AFF2: variants seen among roughly 807,000 people sequenced by gnomAD.
AFF2 encodes the protein AF4/FMR2 family member 2.
A neutral mutation model predicts 76.9 loss-of-function variants in AFF2; 14 were observed. That is an observed-to-expected ratio of 0.18 (90% CI 0.12 to 0.28). AFF2 has a LOEUF of 0.28. Ranked by LOEUF, AFF2 falls within the 10% of genes least tolerant of loss-of-function variation. AFF2 has a pLI of 1.00. For missense variants in AFF2, 868 were observed against 1,001.1 expected (o/e 0.87, Z 1.79); for synonymous variants, 398 against 366.7 (o/e 1.09, Z -0.98).
chrX:148,646,889 A>T (rs782386882), intron 1 of AFF2, among the ~76,000 whole-genome samples: 1 of 112,292 alleles, frequency 8.9e-6, no homozygotes, highest in Non-Finnish European at 1.9e-5. Context: ...GTGTAAAATA[A>T]TGATGGCCTG....
chrX:148,756,612 A>C (rs1014541456), intron 3 of AFF2, among the ~76,000 whole-genome samples: 1 of 112,551 alleles, frequency 8.9e-6, no homozygotes, highest in Admixed American at 9.4e-5. Context: ...TTCATTCACC[A>C]TGTCTAACTC....
chrX:148,583,157 G>C (rs1310119559), intron 1 of AFF2, among the ~76,000 whole-genome samples: 5 of 111,743 alleles, frequency 4.5e-5, no homozygotes, highest in Non-Finnish European at 5.7e-5. Context: ...TTAATAAATA[G>C]TGTTCTGGAA....
At chrX:148,981,339 G>A (rs782185940) in intron 19 of AFF2, among the ~76,000 whole-genome samples, 3 of 111,095 alleles carry the variant, frequency 2.7e-5, no homozygotes, top group Admixed American at 1.9e-4. Flanking sequence ...CTTATTTAGA[G>A]TTCTATCTGC....
At chrX:148,756,650 A>G (rs1557266915) in intron 3 of AFF2, among the ~76,000 whole-genome samples, 2 of 112,634 alleles carry the variant, frequency 1.8e-5, no homozygotes, top group African/African-American at 6.4e-5. Context: ...AGCATGATGA[A>G]TGAAGGTATA....
intron 9 of AFF2, among the ~76,000 whole-genome samples, chrX:148,927,400 T>C (rs2071663588): frequency 9.0e-6 from 1 of 111,609 alleles, no homozygotes; most frequent in African/African-American, 3.3e-5. Flanking sequence ...TTCTCTCTTT[T>C]ATCTTGTTTT....
intron 9 of AFF2, among the ~76,000 whole-genome samples, chrX:148,939,504 C>T (rs2071810072): frequency 8.9e-6 from 1 of 111,958 alleles, no homozygotes; most frequent in Admixed American, 9.5e-5. Context: ...TGCTAGTAAT[C>T]ATGGCTAGAA....
chrX:148,955,626 G>A lies in AFF2; in HGVS notation c.1581G>A (p.Lys527=). 1 of 1,205,878 alleles carries A rather than the reference G, an allele frequency of 8.3e-7. No individual in the cohort carries two copies. Among genetic ancestry groups the A allele is most frequent in the African/African-American group, 1.7e-5 (1 of 57,528 alleles). The change falls in exon 11 of 21, where the codon AAG becomes AAA. Residue 527 remains lysine (K), a synonymous_variant. Coordinates refer to ENST00000370460, the MANE Select transcript of AFF2 (RefSeq NM_002025.4). ...TPEPEPPSTN[K]WQLDKWLNKV... The stretch of plus-strand genomic sequence containing the variant: ...AGCCTGAGCCACCCTCAACCAACAA[G>A]TGGCAACTGGATAAATGGCTTAACA...
chrX:148,775,706 A>T (rs1340595750), intron 3 of AFF2, among the ~76,000 whole-genome samples: 1 of 110,672 alleles, frequency 9.0e-6, no homozygotes, highest in Non-Finnish European at 1.9e-5. Flanking sequence ...CTCTATCTTC[A>T]CATCGATTTC....
chrX:148,583,956 G>C (rs1173833895), intron 1 of AFF2, among the ~76,000 whole-genome samples: 1 of 112,226 alleles, frequency 8.9e-6, no homozygotes, highest in Non-Finnish European at 1.9e-5. Context: ...TTTGAAGATT[G>C]TGTGCAAAAA....
At chrX:148,784,033 G>T (rs2124615058) in intron 3 of AFF2, among the ~76,000 whole-genome samples, 1 of 112,030 alleles carries the variant, frequency 8.9e-6, no homozygotes, top group African/African-American at 3.2e-5. Flanking sequence ...AGCCCAACTG[G>T]TTTTGCCATT....
chrX:148,653,226 T>C (rs1426685486), intron 2 of AFF2, among the ~76,000 whole-genome samples: 1 of 111,963 alleles, frequency 8.9e-6, no homozygotes, highest in Non-Finnish European at 1.9e-5. Context: ...AGTAATAGTA[T>C]GATCCCTAAA....
intron 1 of AFF2, among the ~76,000 whole-genome samples, chrX:148,535,396 C>T (rs1334446162): frequency 9.0e-6 from 1 of 110,970 alleles, no homozygotes; most frequent in Admixed American, 9.6e-5. Context: ...GTCTGAAATT[C>T]AAATTTAACT....
intron 19 of AFF2, 46 bp from the exon 20 acceptor site, chrX:148,987,321 C>T: frequency 8.8e-7 from 1 of 1,137,322 alleles, no homozygotes; most frequent in South Asian, 2.0e-5. Context: ...CCCACTGTCA[C>T]TCTTTCCTAC....
chrX:148,652,166 G>C, intron 2 of AFF2, 35 bp downstream of exon 2: 1 of 1,105,072 alleles, frequency 9.0e-7, no homozygotes, highest in South Asian at 2.0e-5. Flanking sequence ...ATGGTTGCTT[G>C]TTACATTTTT....
At chrX:148,833,431 T>A (rs1300740074) in intron 4 of AFF2, among the ~76,000 whole-genome samples, 1 of 109,645 alleles carries the variant, frequency 9.1e-6, no homozygotes, top group Non-Finnish European at 1.9e-5. Context: ...TGAAACCCTG[T>A]CTCTACTAAA....
intron 4 of AFF2, among the ~76,000 whole-genome samples, chrX:148,827,255 A>G (rs146172456): frequency 2.9e-4 from 32 of 111,753 alleles, no homozygotes; most frequent in African/African-American, 9.4e-4. Context: ...ACGAAAATAG[A>G]TATTACTTCT....
chrX:148,886,022 G>T lies in AFF2; in HGVS notation c.1359+37G>T, dbSNP rs41299108. ...TTAGGGCTTTGTTTTGGGATGAAGG[G>T]GGGAGCAGGAGGAACTGGAATGGCT... On this transcript the variant is annotated intron_variant, in intron 8 of 20. Coordinates refer to ENST00000370460, the MANE Select transcript of AFF2 (RefSeq NM_002025.4). 0.064 allele frequency: 68,445 copies of T among 1,063,157 alleles called. 1,724 individuals are homozygous for T. Among genetic ancestry groups the T allele is most frequent in the Middle Eastern group, 0.11 (446 of 4,030 alleles). 87.6% of individuals were successfully genotyped at this position (1,063,157 alleles called of 1,213,427 possible).
At chrX:148,684,672 C>CTAAGCT (rs1220389338) in intron 3 of AFF2, among the ~76,000 whole-genome samples, 2 of 111,915 alleles carry the variant, frequency 1.8e-5, no homozygotes, top group Non-Finnish European at 3.8e-5. Context: ...AATGTTGGAG[C>CTAAGCT]TAAGCTCCTA....
At chrX:148,841,922 G>A (rs1413689031) in intron 5 of AFF2, among the ~76,000 whole-genome samples, 1 of 111,674 alleles carries the variant, frequency 9.0e-6, no homozygotes, top group Non-Finnish European at 1.9e-5. Flanking sequence ...CTTGCCAGAA[G>A]ACAAATCTCT....
Sources: gnomAD v4.1 joint callset for allele counts (sites outside exome capture counted in the v4.1 genomes callset) on GRCh38, gnomAD v4.1.1 for gene constraint, MANE v1.5 for transcripts, NCBI Gene and HGNC (gene_info 2026-07-23, HGNC 2026-07-21) for gene names.